The following SMG5 variants were observed in gnomAD, a reference collection of about 807,000 sequenced individuals.
SMG5 encodes nonsense-mediated mRNA decay factor SMG5.
SMG5 carries 53 observed loss-of-function variants against 122.9 expected under a neutral mutation model. The observed-to-expected ratio is 0.43, with a 90% CI of 0.35 to 0.54. The LOEUF (loss-of-function observed/expected upper bound fraction) is 0.54. SMG5 is among the 20% of genes least tolerant of loss of function. The probability of loss-of-function intolerance (pLI) is 0.01; values close to 1 mark genes in which losing one functional copy is unlikely to be tolerated. For synonymous variants in SMG5, 477 were observed against 490.2 expected (o/e 0.97, Z 0.35); for missense variants, 1,153 against 1,285.6 (o/e 0.90, Z 1.58).
intron 13 of SMG5, among the ~76,000 whole-genome samples, chr1:156,262,218 C>T (rs898719356): frequency 2.0e-5 from 3 of 152,128 alleles, no homozygotes; most frequent in East Asian, 3.9e-4. Flanking sequence ...GAAAGCAGGC[C>T]GGGCGCGGTG....
rs1661940974 is a variant in SMG5, at chr1:156,263,251, AAGGGCCCAGC to A, written c.2031+134_2031+143del. ...GCCTAATCCTTCCCTGTCAGAGCAT[AAGGGCCCAGC>A]ACAGATAGGTGATTAATTGCTTGGC... On this transcript the variant is annotated intron_variant, in intron 13 of 21. Coordinates refer to ENST00000361813, the MANE Select transcript of SMG5 (RefSeq NM_015327.3). 29 of 924,768 alleles carry A rather than the reference AAGGGCCCAGC, an allele frequency of 3.1e-5. No homozygotes were observed. The South Asian group carries it at 4.7e-4, about 15-fold the overall frequency. 57.3% of individuals were successfully genotyped at this position (924,768 alleles called of 1,614,324 possible).
Position 156,265,965 on chromosome 1 carries a change from G to C in SMG5, c.1671C>G (p.Gly557=), listed in dbSNP as rs533660371. The C allele has an allele frequency of 4.2e-5, 67 of 1,614,078 alleles. No individual in the cohort carries two copies. The highest frequency in any genetic ancestry group is 5.3e-5 in the Non-Finnish European group (62 of 1,180,040). Reference sequence around the variant, plus strand: ...TGCTGGCAATGCTAGCCTCACTGGGGCCCAGTGGGCCATTGAGGGAATCGG... The same window carrying C: ...TGCTGGCAATGCTAGCCTCACTGGGCCCCAGTGGGCCATTGAGGGAATCGG... ...EAPDSLNGPL[G]PSEASIASNL... The change falls in exon 12 of 22, where the codon GGC becomes GGG. Residue 557 remains glycine, a synonymous_variant. Transcript: ENST00000361813.
intron 21 of SMG5, 36 bp downstream of exon 21, chr1:156,250,822 A>C: frequency 6.2e-7 from 1 of 1,612,172 alleles, no homozygotes; most frequent in Non-Finnish European, 8.5e-7. Context: ...CCTCGTCCCT[A>C]TTCCACACCA....
At position 156,250,168 on chromosome 1, in the gene SMG5, T is replaced by G. The variant is rs1301015923; in HGVS notation, c.*419A>C. ...ATTACCCAGCTCTTCCCCCAAGACC[T>G]AGAGGGTCCAAACTCCTGGCCCCAA... On this transcript the variant is annotated 3_prime_UTR_variant, in exon 22 of 22. Transcript: ENST00000361813. 2 of 354,000 alleles carry G rather than the reference T, an allele frequency of 5.6e-6. No individual in the cohort carries two copies. Among genetic ancestry groups the G allele is most frequent in the Non-Finnish European group, 1.1e-5 (2 of 178,516 alleles). The allele number at this position is 354,000 out of a possible 1,614,324, so 21.9% of individuals were successfully genotyped here. A position where few individuals can be genotyped will look rare whatever the true frequency, so the allele number is the denominator to read the frequency against.
chr1:156,262,734 G>A (rs1196109637), intron 13 of SMG5, among the ~76,000 whole-genome samples: 2 of 152,134 alleles, frequency 1.3e-5, no homozygotes, highest in African/African-American at 4.8e-5. Flanking sequence ...CACACCCAAC[G>A]GTGCACCTGG....
upstream of SMG5, chr1:156,285,780 C>A (rs369213781): frequency 1.2e-6 from 2 of 1,613,386 alleles, no homozygotes; most frequent in African/African-American, 2.7e-5. Flanking sequence ...CCTGGCTGTT[C>A]CTGTGGGGGC....
Position 156,273,456 on chromosome 1 carries a change from C to G in SMG5, c.545-6G>C, listed in dbSNP as rs1482679623. 6.2e-7 allele frequency: 1 copy of G among 1,613,268 alleles called. No individual in the cohort carries two copies. The highest frequency in any genetic ancestry group is 1.3e-5 in the African/African-American group (1 of 74,840). ...TAATTCATTCTGATATCGGGCTGCA[C>G]AAGAGAGAAAACGAAGGGAAACTCG... On this transcript the variant is annotated splice_region_variant and splice_polypyrimidine_tract_variant and intron_variant, in intron 5 of 21. Transcript: ENST00000361813.
At chr1:156,271,667 GGGTTC>G (rs1558242985) in intron 7 of SMG5, among the ~76,000 whole-genome samples, 1 of 87,746 alleles carries the variant, frequency 1.1e-5, no homozygotes, top group Non-Finnish European at 2.9e-5. Context: ...TCTGCCTCCT[GGGTTC>G]AAGTGATTCT....
At chr1:156,254,829 C>A (rs1448324497) in intron 16 of SMG5, among the ~76,000 whole-genome samples, 4 of 152,120 alleles carry the variant, frequency 2.6e-5, no homozygotes, top group Non-Finnish European at 5.9e-5. Flanking sequence ...GTGGCTCACA[C>A]CTGTAATCCC....
intron 13 of SMG5, among the ~76,000 whole-genome samples, chr1:156,261,890 CAAAAAAAAAAAA>C (rs61569049): frequency 2.2e-5 from 2 of 90,194 alleles, no homozygotes; most frequent in Non-Finnish European, 4.1e-5. Context: ...AACTCCTTCT[CAAAAAAAAAAAA>C]AAAAAAAAAA....
chr1:156,265,192 C>A (rs1450451843), intron 12 of SMG5, among the ~76,000 whole-genome samples: 1 of 151,190 alleles, frequency 6.6e-6, no homozygotes, highest in Non-Finnish European at 1.5e-5. Context: ...CCACTGCACT[C>A]CAGTCTGGGG....
chr1:156,272,180 C>T, intron 7 of SMG5, 140 bp downstream of exon 7: 1 of 749,410 alleles, frequency 1.3e-6, no homozygotes, highest in South Asian at 1.7e-5. Context: ...TCAGAGTCCC[C>T]CTGAATGGAG....
chr1:156,269,074 G>A (rs908201834), intron 7 of SMG5, among the ~76,000 whole-genome samples: 2 of 151,808 alleles, frequency 1.3e-5, no homozygotes, highest in Non-Finnish European at 2.9e-5. Context: ...GGGTTCAAGC[G>A]ATTCTCGTGC....
At position 156,252,458 on chromosome 1, in the gene SMG5, C is replaced by T; in HGVS notation, c.2709G>A (p.Arg903=). ...CTGCCTCCAGGTACCGAATCCCATCCCGGGCCCCTGGGTGTTCCTTCTTCA... is the reference window on the plus strand; with the variant it reads ...CTGCCTCCAGGTACCGAATCCCATCTCGGGCCCCTGGGTGTTCCTTCTTCA... The part of the protein sequence containing the change: ...DLLKKEHPGA[R]DGIRYLEAEF... Residue 903 remains arginine (R), a synonymous_variant, in exon 19 of 22, where the codon CGG becomes CGA. Coordinates refer to ENST00000361813, the MANE Select transcript of SMG5 (RefSeq NM_015327.3). The T allele has an allele frequency of 6.2e-7, 1 of 1,614,000 alleles. No homozygotes were observed. The highest frequency in any genetic ancestry group is 8.5e-7 in the Non-Finnish European group (1 of 1,180,004).
At chr1:156,260,417 A>G in intron 15 of SMG5, 34 bp downstream of exon 15, 2 of 1,585,898 alleles carry the variant, frequency 1.3e-6, no homozygotes, top group South Asian at 1.2e-5. Context: ...GTGACTGACA[A>G]ACAGAGCTGT....
chr1:156,287,608 T>C (rs1265045002), upstream of SMG5, among the ~76,000 whole-genome samples: 3 of 52,130 alleles, frequency 5.8e-5, no homozygotes, highest in East Asian at 6.0e-4. Flanking sequence ...ACTCTCCACT[T>C]TTTTTTTTTT....
At chr1:156,264,236 C>T (rs1025833328) in intron 12 of SMG5, among the ~76,000 whole-genome samples, 5 of 126,562 alleles carry the variant, frequency 4.0e-5, no homozygotes, top group Non-Finnish European at 6.3e-5. Flanking sequence ...CCACTGCACT[C>T]CAGCCTGGGC....
upstream of SMG5, chr1:156,285,721 C>G (rs1240937066): frequency 1.2e-6 from 2 of 1,613,146 alleles, no homozygotes; most frequent in Non-Finnish European, 1.7e-6. Flanking sequence ...CCCGGGTCAC[C>G]CACCCCGACC....
chr1:156,268,082 G>A (rs1450484535), intron 9 of SMG5, 33 bp downstream of exon 9: 5 of 1,608,782 alleles, frequency 3.1e-6, no homozygotes, highest in South Asian at 1.1e-5. Context: ...GGGGCTCACA[G>A]GATAGTTCAG....
Sources: gnomAD v4.1 joint callset for allele counts (sites outside exome capture counted in the v4.1 genomes callset) on GRCh38, gnomAD v4.1.1 for gene constraint, MANE v1.5 for transcripts, NCBI Gene and HGNC (gene_info 2026-07-23, HGNC 2026-07-21) for gene names.